The following TAFA5 variants were observed in gnomAD, a reference collection of about 807,000 sequenced individuals.
The protein encoded by TAFA5 is chemokine-like protein TAFA-5.
Under a neutral mutation model 15.3 loss-of-function variants are expected in TAFA5, and 6 were observed. That is an observed-to-expected ratio of 0.39 (90% CI 0.21 to 0.77). The LOEUF (loss-of-function observed/expected upper bound fraction) is 0.77. Ranked by LOEUF, TAFA5 falls within the 30% of genes least tolerant of loss-of-function variation. TAFA5 has a pLI of 0.41. For synonymous variants in TAFA5, 103 were observed against 80.7 expected, an observed-to-expected ratio of 1.28 and a Z score of -1.48; for missense variants, 161 against 193.1, an observed-to-expected ratio of 0.83 and a Z score of 0.98.
chr22:48,736,716 G>A (rs973379623), intron 3 of TAFA5, among the ~76,000 whole-genome samples: 2 of 152,208 alleles, frequency 1.3e-5, no homozygotes, highest in African/African-American at 2.4e-5. Context: ...ACATGACGCC[G>A]AGTGAAGGAA....
intron 1 of TAFA5, among the ~76,000 whole-genome samples, chr22:48,558,018 G>C (rs1194906295): frequency 6.6e-6 from 1 of 152,278 alleles, no homozygotes; most frequent in East Asian, 1.9e-4. Context: ...CCCAGTCTGA[G>C]GGGGGAGTGG....
intron 2 of TAFA5, among the ~76,000 whole-genome samples, chr22:48,667,498 A>T (rs1304356988): frequency 6.6e-6 from 1 of 152,166 alleles, no homozygotes; most frequent in Non-Finnish European, 1.5e-5. Flanking sequence ...CGTGTTAGTG[A>T]ACGTCTTCCA....
At chr22:48,509,547 G>A (rs994317429) in intron 1 of TAFA5, among the ~76,000 whole-genome samples, 1 of 152,096 alleles carries the variant, frequency 6.6e-6, no homozygotes, top group Non-Finnish European at 1.5e-5. Context: ...TTGTGGTTTT[G>A]ATTTGCATTT....
chr22:48,542,148 T>G (rs886972236), intron 1 of TAFA5, among the ~76,000 whole-genome samples: 57 of 131,298 alleles, frequency 4.3e-4, no homozygotes, highest in African/African-American at 1.7e-3. Context: ...TGTGTGTGTG[T>G]GGGTGTGGGG....
intron 1 of TAFA5, among the ~76,000 whole-genome samples, chr22:48,632,136 G>A (rs1162775639): frequency 2.0e-5 from 3 of 152,192 alleles, no homozygotes; most frequent in Admixed American, 2.0e-4. Flanking sequence ...AGCGGCTGGG[G>A]TGCAGGTGTT....
intron 1 of TAFA5, among the ~76,000 whole-genome samples, chr22:48,559,596 C>A (rs80250628): frequency 6.6e-6 from 1 of 152,110 alleles, no homozygotes; most frequent in East Asian, 1.9e-4. Flanking sequence ...TCACTGCAGC[C>A]GTCACCGAGA....
At chr22:48,666,271 C>T (rs906329887) in intron 2 of TAFA5, among the ~76,000 whole-genome samples, 1 of 152,158 alleles carries the variant, frequency 6.6e-6, no homozygotes, top group African/African-American at 2.4e-5. Flanking sequence ...TTATCCCAGC[C>T]GAGAAATGAG....
intron 1 of TAFA5, among the ~76,000 whole-genome samples, chr22:48,597,633 A>G (rs1489203445): frequency 2.0e-5 from 3 of 152,234 alleles, no homozygotes; most frequent in Non-Finnish European, 4.4e-5. Context: ...TGGCTGGCTC[A>G]CTTGTGAGGG....
At chr22:48,645,248 G>T (rs531553676) in intron 1 of TAFA5, among the ~76,000 whole-genome samples, 2 of 152,246 alleles carry the variant, frequency 1.3e-5, no homozygotes, top group East Asian at 3.9e-4. Context: ...CCCTGGGGAT[G>T]CTGGGTTTTC....
At chr22:48,734,077 A>C (rs1929942018) in intron 3 of TAFA5, among the ~76,000 whole-genome samples, 1 of 152,254 alleles carries the variant, frequency 6.6e-6, no homozygotes, top group Non-Finnish European at 1.5e-5. Flanking sequence ...GTTGCTGCTG[A>C]CTTCCAAGCA....
At chr22:48,615,548 C>T (rs992033954) in intron 1 of TAFA5, among the ~76,000 whole-genome samples, 67 of 152,220 alleles carry the variant, frequency 4.4e-4, no homozygotes, top group African/African-American at 1.4e-3. Flanking sequence ...ATGGTTTTCA[C>T]CCTCTGTGGT....
At chr22:48,536,752 C>T (rs1004208606) in intron 1 of TAFA5, among the ~76,000 whole-genome samples, 5 of 152,214 alleles carry the variant, frequency 3.3e-5, no homozygotes, top group African/African-American at 1.2e-4. Context: ...TGGGCACAGG[C>T]GGCGCGCACA....
intron 3 of TAFA5, among the ~76,000 whole-genome samples, chr22:48,709,431 C>A (rs1462630196): frequency 6.6e-6 from 1 of 152,104 alleles, no homozygotes; most frequent in Non-Finnish European, 1.5e-5. Flanking sequence ...GCCTGCGTTA[C>A]CGCCCTGAGT....
At chr22:48,730,042 G>T (rs1929825826) in intron 3 of TAFA5, among the ~76,000 whole-genome samples, 2 of 152,066 alleles carry the variant, frequency 1.3e-5, no homozygotes, top group Admixed American at 1.3e-4. Flanking sequence ...CACACACATT[G>T]CTCACACCTA....
chr22:48,599,689 G>T (rs1197628341), intron 1 of TAFA5, among the ~76,000 whole-genome samples: 1 of 152,246 alleles, frequency 6.6e-6, no homozygotes, highest in African/African-American at 2.4e-5. Context: ...AGCTGCCATG[G>T]CTGGCCAGCC....
At chr22:48,731,089 G>T (rs1055499842) in intron 3 of TAFA5, among the ~76,000 whole-genome samples, 1 of 152,184 alleles carries the variant, frequency 6.6e-6, no homozygotes, top group Admixed American at 6.5e-5. Context: ...TGATAAGAAA[G>T]GGATAGAAAG....
intron 3 of TAFA5, among the ~76,000 whole-genome samples, chr22:48,708,273 T>G (rs132237): frequency 0.034 from 5,201 of 152,154 alleles, 248 homozygotes; most frequent in African/African-American, 0.1. Context: ...AGGGCCAGGT[T>G]CAGGTTCCGT....
At chr22:48,643,982 GA>G (rs1926774492) in intron 1 of TAFA5, among the ~76,000 whole-genome samples, 1 of 152,232 alleles carries the variant, frequency 6.6e-6, no homozygotes, top group Non-Finnish European at 1.5e-5. Context: ...CACAACGTAA[GA>G]ACGTGTGCTC....
At chr22:48,633,724 A>G (rs1212413882) in intron 1 of TAFA5, among the ~76,000 whole-genome samples, 3 of 152,110 alleles carry the variant, frequency 2.0e-5, no homozygotes, top group East Asian at 3.9e-4. Context: ...TGTCGTGACC[A>G]TGTGAGTGCG....
Sources: gnomAD v4.1 joint callset for allele counts (sites outside exome capture counted in the v4.1 genomes callset) on GRCh38, gnomAD v4.1.1 for gene constraint, MANE v1.5 for transcripts, NCBI Gene and HGNC (gene_info 2026-07-23, HGNC 2026-07-21) for gene names.